PTPRD: variants seen among roughly 807,000 people sequenced by gnomAD.
The protein encoded by PTPRD is receptor-type tyrosine-protein phosphatase delta.
Under a neutral mutation model 214.5 loss-of-function variants are expected in PTPRD, and 34 were observed. The observed-to-expected ratio is 0.16, with a 90% CI of 0.12 to 0.21. PTPRD has a LOEUF of 0.21. Among genes scored for constraint, PTPRD ranks in the 10% least tolerant of loss-of-function variants. The probability of loss-of-function intolerance (pLI) is 1.00; values close to 1 mark genes in which losing one functional copy is unlikely to be tolerated. For missense variants in PTPRD, 2,545 were observed against 2,398.7 expected (o/e 1.06, Z -1.27); for synonymous variants, 1,128 against 845.7 (o/e 1.33, Z -5.79).
chr9:9,203,146 C>T (rs1489520370), intron 9 of PTPRD, among the ~76,000 whole-genome samples: 1 of 152,080 alleles, frequency 6.6e-6, no homozygotes, highest in Non-Finnish European at 1.5e-5. Context: ...AGGAGAATCA[C>T]TTGAACCTGG....
chr9:9,703,782 G>C (rs1466517294), intron 7 of PTPRD, among the ~76,000 whole-genome samples: 1 of 152,124 alleles, frequency 6.6e-6, no homozygotes, highest in Non-Finnish European at 1.5e-5. Flanking sequence ...TAACCCTAAA[G>C]AGTTGAAGTT....
chr9:8,816,513 A>C (rs2096921768), intron 11 of PTPRD, among the ~76,000 whole-genome samples: 1 of 152,198 alleles, frequency 6.6e-6, no homozygotes. Context: ...CGTTTAGGAA[A>C]GGTTCCTAAA....
At chr9:9,301,056 G>A (rs1955095604) in intron 9 of PTPRD, among the ~76,000 whole-genome samples, 1 of 151,684 alleles carries the variant, frequency 6.6e-6, no homozygotes, top group African/African-American at 2.4e-5. Context: ...CTGGCACAAA[G>A]CAGGCACTCA....
chr9:8,718,430 T>C (rs1020466702), intron 12 of PTPRD, among the ~76,000 whole-genome samples: 19 of 152,192 alleles, frequency 1.2e-4, no homozygotes, highest in African/African-American at 4.6e-4. Context: ...TGTTGTTCAG[T>C]TGCTAAATAG....
At chr9:10,159,403 AG>A (rs2099113570) in intron 3 of PTPRD, among the ~76,000 whole-genome samples, 1 of 152,218 alleles carries the variant, frequency 6.6e-6, no homozygotes, top group East Asian at 1.9e-4. Flanking sequence ...GGAAAAAAAA[AG>A]CCAGGCAGAG....
At chr9:10,382,510 A>C (rs988612579) in intron 2 of PTPRD, among the ~76,000 whole-genome samples, 2 of 151,916 alleles carry the variant, frequency 1.3e-5, no homozygotes, top group Non-Finnish European at 2.9e-5. Flanking sequence ...ATCTGAATTG[A>C]GTATTCCTGC....
At chr9:8,412,908 G>C (rs535035200) in intron 35 of PTPRD, among the ~76,000 whole-genome samples, 2 of 152,144 alleles carry the variant, frequency 1.3e-5, no homozygotes, top group East Asian at 3.9e-4. Flanking sequence ...ATAGAAACTT[G>C]ACCACTCAGA....
intron 12 of PTPRD, among the ~76,000 whole-genome samples, chr9:8,706,688 C>T (rs1283960450): frequency 6.6e-6 from 1 of 152,178 alleles, no homozygotes; most frequent in African/African-American, 2.4e-5. Flanking sequence ...GATGGAAATT[C>T]ACAGTCTCAG....
At chr9:9,238,706 G>T (rs2099968640) in intron 9 of PTPRD, among the ~76,000 whole-genome samples, 1 of 152,086 alleles carries the variant, frequency 6.6e-6, no homozygotes, top group Admixed American at 6.6e-5. Context: ...AAATGTCCAT[G>T]CAATGAGGTA....
chr9:8,452,161 A>G (rs551152669), intron 33 of PTPRD, among the ~76,000 whole-genome samples: 27 of 152,352 alleles, frequency 1.8e-4, no homozygotes, highest in Non-Finnish European at 3.4e-4. Context: ...TGTTTATTCA[A>G]ATGAAATTAT....
intron 9 of PTPRD, among the ~76,000 whole-genome samples, chr9:9,320,206 T>C (rs1208045138): frequency 6.6e-6 from 1 of 152,272 alleles, no homozygotes; most frequent in Admixed American, 6.5e-5. Context: ...TTTCTTCCTT[T>C]TGTTCTTATT....
chr9:8,660,940 CAT>C (rs1382264745), intron 12 of PTPRD, among the ~76,000 whole-genome samples: 10 of 152,022 alleles, frequency 6.6e-5, no homozygotes, highest in African/African-American at 2.4e-4. Context: ...CAGAAAATCA[CAT>C]GAGATTTATC....
At chr9:9,073,969 T>C (rs1383719118) in intron 10 of PTPRD, among the ~76,000 whole-genome samples, 1 of 152,142 alleles carries the variant, frequency 6.6e-6, no homozygotes, top group Non-Finnish European at 1.5e-5. Context: ...GGACTAATTA[T>C]AGTATAACCT....
At chr9:9,764,412 G>A (rs544032658) in intron 6 of PTPRD, among the ~76,000 whole-genome samples, 12 of 152,124 alleles carry the variant, frequency 7.9e-5, no homozygotes, top group South Asian at 2.1e-4. Context: ...AAAGAAGTTC[G>A]CAAAAACCGT....
intron 5 of PTPRD, among the ~76,000 whole-genome samples, chr9:9,806,738 C>CA (rs1317448788): frequency 1.3e-5 from 2 of 152,132 alleles, no homozygotes; most frequent in African/African-American, 2.4e-5. Flanking sequence ...AGCAGCTTCC[C>CA]AAAAAGATCT....
At chr9:10,178,739 T>C (rs548287308) in intron 3 of PTPRD, among the ~76,000 whole-genome samples, 3 of 152,064 alleles carry the variant, frequency 2.0e-5, no homozygotes, top group South Asian at 4.1e-4. Context: ...TGTGAGGGGC[T>C]TTCCTGTGCA....
At chr9:10,326,583 C>G (rs1483990454) in intron 3 of PTPRD, among the ~76,000 whole-genome samples, 1 of 151,376 alleles carries the variant, frequency 6.6e-6, no homozygotes, top group African/African-American at 2.4e-5. Context: ...TTTCAAATTG[C>G]TTCACATTTT....
At chr9:9,458,563 TA>T (rs1359461003) in intron 8 of PTPRD, among the ~76,000 whole-genome samples, 2 of 151,844 alleles carry the variant, frequency 1.3e-5, no homozygotes, top group Non-Finnish European at 2.9e-5. Context: ...TATAAAAGCT[TA>T]AAAAAAATCA....
intron 2 of PTPRD, among the ~76,000 whole-genome samples, chr9:10,343,978 GTTTTTTTTT>G (rs139613939): frequency 1.6e-4 from 5 of 31,678 alleles, no homozygotes; most frequent in Admixed American, 1.0e-3. Context: ...TCTGATGGTA[GTTTTTTTTT>G]TTTTTTTTTT....
Sources: gnomAD v4.1 joint callset for allele counts (sites outside exome capture counted in the v4.1 genomes callset) on GRCh38, gnomAD v4.1.1 for gene constraint, MANE v1.5 for transcripts, NCBI Gene and HGNC (gene_info 2026-07-23, HGNC 2026-07-21) for gene names.